ZFPM2: variants seen among roughly 807,000 people sequenced by gnomAD.
ZFPM2 encodes the protein zinc finger protein ZFPM2.
A neutral mutation model predicts 98.6 loss-of-function variants in ZFPM2; 20 were observed. The observed-to-expected ratio is 0.20, with a 90% confidence interval of 0.14 to 0.29. ZFPM2 has a LOEUF of 0.29. ZFPM2 is among the 10% of genes least tolerant of loss of function. ZFPM2 has a pLI of 1.00. For missense variants in ZFPM2, 1,310 were observed against 1,388.6 expected, an observed-to-expected ratio of 0.94 and a Z score of 0.90; for synonymous variants, 518 against 502.7, an observed-to-expected ratio of 1.03 and a Z score of -0.41.
intron 4 of ZFPM2, among the ~76,000 whole-genome samples, chr8:105,593,158 T>A (rs1815886869): frequency 6.6e-6 from 1 of 152,158 alleles, no homozygotes; most frequent in Non-Finnish European, 1.5e-5. Flanking sequence ...TATATGTGTG[T>A]ATGTCTAAGA....
chr8:105,503,508 G>C (rs1365445080), intron 3 of ZFPM2, among the ~76,000 whole-genome samples: 1 of 152,124 alleles, frequency 6.6e-6, no homozygotes, highest in Non-Finnish European at 1.5e-5. Flanking sequence ...AAGACCATGG[G>C]AATGAGACAG....
At chr8:105,483,770 G>T (rs1275870830) in intron 3 of ZFPM2, among the ~76,000 whole-genome samples, 5 of 147,430 alleles carry the variant, frequency 3.4e-5, no homozygotes, top group Non-Finnish European at 6.0e-5. Context: ...TTTTTTTGAG[G>T]TGGAGTCTTG....
chr8:105,716,982 G>A (rs1811541071), intron 5 of ZFPM2, among the ~76,000 whole-genome samples: 1 of 152,012 alleles, frequency 6.6e-6, no homozygotes, highest in Admixed American at 6.6e-5. Context: ...CATCTTACTG[G>A]CACAGATACA....
intron 2 of ZFPM2, among the ~76,000 whole-genome samples, chr8:105,436,171 A>G (rs1812114925): frequency 6.6e-6 from 1 of 152,176 alleles, no homozygotes; most frequent in African/African-American, 2.4e-5. Flanking sequence ...TAAAATAGTA[A>G]ACCTTAGGGA....
At chr8:105,497,496 GA>G (rs1365810847) in intron 3 of ZFPM2, among the ~76,000 whole-genome samples, 2 of 152,072 alleles carry the variant, frequency 1.3e-5, no homozygotes, top group Admixed American at 1.3e-4. Context: ...TAAATAATAG[GA>G]ATTTGGTATA....
chr8:105,750,582 A>G (rs191833658), intron 5 of ZFPM2, among the ~76,000 whole-genome samples: 1 of 152,104 alleles, frequency 6.6e-6, no homozygotes, highest in African/African-American at 2.4e-5. Flanking sequence ...GTCTCTCACA[A>G]TTTTCAGTGG....
intron 5 of ZFPM2, among the ~76,000 whole-genome samples, chr8:105,714,426 C>T (rs1223057327): frequency 1.3e-5 from 2 of 151,974 alleles, no homozygotes; most frequent in Admixed American, 6.6e-5. Context: ...AATAGTTTGA[C>T]TTTCTCCTAT....
At chr8:105,735,947 G>A (rs1449437785) in intron 5 of ZFPM2, among the ~76,000 whole-genome samples, 2 of 151,874 alleles carry the variant, frequency 1.3e-5, no homozygotes, top group East Asian at 1.9e-4. Flanking sequence ...AATTTAACGC[G>A]GCTATAAACC....
At chr8:105,769,658 G>A (rs1212958504) in intron 5 of ZFPM2, among the ~76,000 whole-genome samples, 1 of 151,874 alleles carries the variant, frequency 6.6e-6, no homozygotes, top group African/African-American at 2.4e-5. Context: ...TGTTTTTTAT[G>A]CTGTATCTCC....
chr8:105,380,590 GTATATATATATTATA>G (rs1252473992), intron 1 of ZFPM2, among the ~76,000 whole-genome samples: 6 of 61,890 alleles, frequency 9.7e-5, no homozygotes, highest in Non-Finnish European at 1.7e-4. Flanking sequence ...TTTTCTATCG[GTATATATATATTATA>G]TATATATATA....
chr8:105,716,602 T>A (rs536811263), intron 5 of ZFPM2, among the ~76,000 whole-genome samples: 1 of 152,136 alleles, frequency 6.6e-6, no homozygotes, highest in African/African-American at 2.4e-5. Flanking sequence ...CTAAACCTTG[T>A]TGAGAGACCA....
At chr8:105,676,619 A>G (rs545592780) in intron 5 of ZFPM2, among the ~76,000 whole-genome samples, 2 of 152,204 alleles carry the variant, frequency 1.3e-5, no homozygotes, top group Non-Finnish European at 2.9e-5. Flanking sequence ...ATATTTTTAT[A>G]TTCTGATATT....
intron 5 of ZFPM2, among the ~76,000 whole-genome samples, chr8:105,740,805 G>A (rs972285117): frequency 1.6e-4 from 25 of 151,854 alleles, no homozygotes; most frequent in Admixed American, 4.6e-4. Context: ...ACAAATCAAT[G>A]CATAAAATGT....
chr8:105,697,737 T>A (rs994181506), intron 5 of ZFPM2, among the ~76,000 whole-genome samples: 1 of 152,216 alleles, frequency 6.6e-6, no homozygotes, highest in Admixed American at 6.5e-5. Context: ...AAAAATTGTC[T>A]TTTTCCATGA....
intron 4 of ZFPM2, among the ~76,000 whole-genome samples, chr8:105,630,997 G>A (rs1816745546): frequency 6.6e-6 from 1 of 152,056 alleles, no homozygotes; most frequent in Admixed American, 6.6e-5. Flanking sequence ...GGTAATATTT[G>A]GAAACAAAGC....
chr8:105,667,227 G>A (rs1206496349), intron 5 of ZFPM2, among the ~76,000 whole-genome samples: 1 of 152,118 alleles, frequency 6.6e-6, no homozygotes, highest in Non-Finnish European at 1.5e-5. Flanking sequence ...GAAATTCACG[G>A]TGTCTGCCAC....
At chr8:105,682,977 C>T (rs563707321) in intron 5 of ZFPM2, among the ~76,000 whole-genome samples, 13 of 152,128 alleles carry the variant, frequency 8.5e-5, no homozygotes, top group African/African-American at 3.1e-4. Context: ...GTTCTGGAGG[C>T]TGGGAAGTCC....
intron 5 of ZFPM2, among the ~76,000 whole-genome samples, chr8:105,692,235 G>A (rs1298195925): frequency 6.6e-6 from 1 of 152,140 alleles, no homozygotes; most frequent in East Asian, 1.9e-4. Flanking sequence ...CAAAAGTTGG[G>A]TGCATGTATT....
intron 3 of ZFPM2, among the ~76,000 whole-genome samples, chr8:105,559,275 G>T (rs898444211): frequency 6.6e-6 from 1 of 152,046 alleles, no homozygotes; most frequent in Non-Finnish European, 1.5e-5. Flanking sequence ...TAGTACTTAG[G>T]CATTAATATG....
Sources: allele counts gnomAD v4.1 joint callset (sites outside exome capture counted in the v4.1 genomes callset), GRCh38; gene constraint gnomAD v4.1.1; transcripts MANE v1.5; gene names NCBI Gene and HGNC (gene_info 2026-07-23, HGNC 2026-07-21).